Variants in PCDH15 observed in about 807,000 individuals in gnomAD.
PCDH15 encodes the protein protocadherin-15.
In PCDH15, 129 loss-of-function variants were observed where a neutral mutation model predicts 178.5. The observed-to-expected ratio is 0.72, with a 90% CI of 0.63 to 0.84. PCDH15 has a LOEUF of 0.84. PCDH15 is among the 40% of genes least tolerant of loss of function. PCDH15 has a pLI of 0.00. For synonymous variants in PCDH15, 800 were observed against 732.0 expected, an observed-to-expected ratio of 1.09 and a Z score of -1.50; for missense variants, 2,230 against 2,099.9, an observed-to-expected ratio of 1.06 and a Z score of -1.21.
chr10:55,177,686 A>G (rs919657727), intron 1 of PCDH15, among the ~76,000 whole-genome samples: 7 of 152,160 alleles, frequency 4.6e-5, no homozygotes, highest in African/African-American at 1.2e-4. Flanking sequence ...AAGCTCTGCT[A>G]TTGGAGGGAT....
At chr10:55,080,211 T>C (rs1842001747) in intron 2 of PCDH15, among the ~76,000 whole-genome samples, 1 of 151,984 alleles carries the variant, frequency 6.6e-6, no homozygotes. Context: ...TGTGAACCAG[T>C]ATGGGTCCAC....
At chr10:54,292,364 C>A (rs1467113492) in intron 8 of PCDH15, among the ~76,000 whole-genome samples, 2 of 152,112 alleles carry the variant, frequency 1.3e-5, no homozygotes, top group Admixed American at 6.6e-5. Context: ...CAGCCAATAT[C>A]ATACTGGATG....
chr10:53,821,612 C>A, intron 32 of PCDH15: 2 of 1,224,418 alleles, frequency 1.6e-6, no homozygotes, highest in Non-Finnish European at 2.0e-6. Flanking sequence ...AAATTACTTA[C>A]TTTTCAAATA....
At chr10:54,982,127 AC>A (rs1752969841) in intron 2 of PCDH15, among the ~76,000 whole-genome samples, 1 of 152,060 alleles carries the variant, frequency 6.6e-6, no homozygotes, top group Admixed American at 6.6e-5. Flanking sequence ...CGTTCAAAAA[AC>A]AAAGCTGTTA....
intron 2 of PCDH15, among the ~76,000 whole-genome samples, chr10:55,341,196 T>A (rs1844546918): frequency 6.6e-6 from 1 of 152,020 alleles, no homozygotes; most frequent in Non-Finnish European, 1.5e-5. Context: ...TTCTTTCACA[T>A]TTAAAGGCTA....
In PCDH15 at chr10:54,846,024, G is replaced by A. The variant is rs1423905106; in HGVS notation, c.-29+51426C>T. Among the ~76,000 whole-genome samples the A allele has an allele frequency of 2.0e-5, 3 of 151,884 alleles. 1 individual carries two copies. Among genetic ancestry groups the A allele is most frequent in the East Asian group, 3.9e-4 (2 of 5,170 alleles). On this transcript the variant is annotated intron_variant, in intron 3 of 5. Coordinates refer to the PCDH15 transcript ENST00000458638. ...TATTTTCTAAAAACCATTTAATATG[G>A]TTTTATATTCTTATACTAATTACTT...
intron 2 of PCDH15, among the ~76,000 whole-genome samples, chr10:55,113,671 G>A (rs1837563584): frequency 6.6e-6 from 1 of 152,178 alleles, no homozygotes; most frequent in South Asian, 2.1e-4. Context: ...AGAAATTCCA[G>A]GGGCTAATCT....
At chr10:55,098,901 A>T (rs1243476425) in intron 2 of PCDH15, among the ~76,000 whole-genome samples, 1 of 106,090 alleles carries the variant, frequency 9.4e-6, no homozygotes, top group Non-Finnish European at 1.9e-5. Context: ...TCAATGAGAG[A>T]GAGAGAGAGA....
At chr10:55,465,812 C>A (rs890491101) in intron 2 of PCDH15, among the ~76,000 whole-genome samples, 1 of 152,092 alleles carries the variant, frequency 6.6e-6, no homozygotes, top group Non-Finnish European at 1.5e-5. Context: ...GTCAAAGGAT[C>A]TTTTAAGTGA....
At chr10:53,873,296 T>A (rs2080001678) in intron 26 of PCDH15, among the ~76,000 whole-genome samples, 1 of 152,230 alleles carries the variant, frequency 6.6e-6, no homozygotes, top group Non-Finnish European at 1.5e-5. Context: ...AGATCAACAA[T>A]CAGTCTGGTG....
chr10:54,930,302 T>C (rs1219938897), intron 2 of PCDH15, among the ~76,000 whole-genome samples: 2 of 152,030 alleles, frequency 1.3e-5, no homozygotes, highest in Non-Finnish European at 2.9e-5. Context: ...AGACACCACC[T>C]CCTCAAGCCA....
At chr10:54,077,861 G>A (rs1282545012) in intron 17 of PCDH15, among the ~76,000 whole-genome samples, 1 of 151,974 alleles carries the variant, frequency 6.6e-6, no homozygotes, top group Non-Finnish European at 1.5e-5. Flanking sequence ...TCAGGAGTTC[G>A]AGTCCAGCCT....
intron 2 of PCDH15, among the ~76,000 whole-genome samples, chr10:54,634,972 A>G (rs1295633391): frequency 1.3e-5 from 2 of 151,804 alleles, no homozygotes; most frequent in African/African-American, 2.4e-5. Flanking sequence ...AGATAGCAGT[A>G]AGGCTCAGAT....
At chr10:55,580,784 A>G (rs1471014732) in intron 2 of PCDH15, among the ~76,000 whole-genome samples, 1 of 152,128 alleles carries the variant, frequency 6.6e-6, no homozygotes, top group Non-Finnish European at 1.5e-5. Context: ...CCTCTAGCCG[A>G]TGTTCTTCTA....
At chr10:54,166,602 T>C (rs2046254510) in intron 13 of PCDH15, among the ~76,000 whole-genome samples, 1 of 152,140 alleles carries the variant, frequency 6.6e-6, no homozygotes. Context: ...TCCCCTAAGA[T>C]CTCCTGTATT....
At chr10:55,493,519 G>C (rs1277396889) in intron 2 of PCDH15, among the ~76,000 whole-genome samples, 1 of 151,296 alleles carries the variant, frequency 6.6e-6, no homozygotes, top group East Asian at 2.0e-4. Flanking sequence ...TCCAGCCTGG[G>C]TGAAAGAGAA....
intron 1 of PCDH15, among the ~76,000 whole-genome samples, chr10:55,274,909 A>G (rs1322433222): frequency 1.3e-5 from 2 of 152,078 alleles, no homozygotes; most frequent in African/African-American, 4.8e-5. Context: ...CAGGAGCCAG[A>G]GCTCAGGCAG....
intron 3 of PCDH15, among the ~76,000 whole-genome samples, chr10:54,879,466 G>C (rs987062114): frequency 6.6e-6 from 1 of 151,898 alleles, no homozygotes; most frequent in Non-Finnish European, 1.5e-5. Flanking sequence ...AAATTAGAAA[G>C]ATTTTATTCA....
At chr10:54,220,649 C>A (rs904562614) in intron 9 of PCDH15, among the ~76,000 whole-genome samples, 4 of 151,994 alleles carry the variant, frequency 2.6e-5, no homozygotes, top group Admixed American at 2.0e-4. Context: ...CACGGTGAAA[C>A]CCCGTCTCTA....
Sources: allele counts gnomAD v4.1 joint callset (sites outside exome capture counted in the v4.1 genomes callset), GRCh38; gene constraint gnomAD v4.1.1; transcripts MANE v1.5; gene names NCBI Gene and HGNC (gene_info 2026-07-23, HGNC 2026-07-21).